SMC1A: variants seen among roughly 807,000 people sequenced by gnomAD.
The protein encoded by SMC1A is structural maintenance of chromosomes protein 1A.
SMC1A carries 4 observed loss-of-function variants against 94.5 expected under a neutral mutation model. The ratio of observed to expected loss-of-function variants is 0.04; its 90% CI spans 0.02 to 0.10. The LOEUF (loss-of-function observed/expected upper bound fraction) is 0.10. SMC1A is among the 10% of genes least tolerant of loss of function. The pLI is 1.00. For synonymous variants in SMC1A, 345 were observed against 347.7 expected (o/e 0.99, Z 0.09); for missense variants, 304 against 989.0 (o/e 0.31, Z 9.29).
chrX:53,390,204 G>T (rs782336167), intron 19 of SMC1A, among the ~76,000 whole-genome samples: 25 of 106,523 alleles, frequency 2.3e-4, no homozygotes, highest in Admixed American at 6.9e-4. Context: ...AGGGGGCGGG[G>T]GGGCCGGGCC....
At chrX:53,394,731 T>TGCCCCCCCCCCCCCCCC in intron 19 of SMC1A, 47 bp downstream of exon 19, 1 of 416,234 alleles carries the variant, frequency 2.4e-6, no homozygotes, top group Non-Finnish European at 4.4e-6. Context: ...ATAGTCCCAC[T>TGCCCCCCCCCCCCCCCC]CCCACCCAAC....
intron 19 of SMC1A, among the ~76,000 whole-genome samples, chrX:53,391,764 C>G (rs1556887298): frequency 8.9e-6 from 1 of 111,849 alleles, no homozygotes; most frequent in Admixed American, 9.5e-5. Context: ...GGATTACAGG[C>G]ATGAGTCACC....
intron 15 of SMC1A, among the ~76,000 whole-genome samples, chrX:53,403,351 T>C (rs1187400685): frequency 1.8e-5 from 2 of 110,313 alleles, no homozygotes; most frequent in Non-Finnish European, 3.8e-5. Flanking sequence ...GGGGTTGTAA[T>C]CCAGGAATCC....
At chrX:53,409,348 A>G in intron 8 of SMC1A, 73 bp downstream of exon 8, 4 of 1,156,643 alleles carry the variant, frequency 3.5e-6, no homozygotes, top group Non-Finnish European at 3.5e-6. Context: ...GGGGTCCTGC[A>G]TGAAGAGGGG....
rs1026782212 is a variant in SMC1A, at chrX:53,379,281, G to C, written c.*822C>G. The C allele has an allele frequency of 2.7e-5, 3 of 111,753 alleles. No individual in the cohort carries two copies. Among genetic ancestry groups the C allele is most frequent in the African/African-American group, 9.8e-5 (3 of 30,699 alleles). The allele number at this position is 111,753 out of a possible 1,213,427, so 9.2% of individuals were successfully genotyped here. ...AAAAGTGGGACCAGAACCCATAACT[G>C]TCTGTCCCCAGAGCTCATGCTCCAC... On this transcript the variant is annotated 3_prime_UTR_variant, in exon 25 of 25. Transcript: ENST00000322213.
chrX:53,382,155 G>C (rs1373099516), intron 22 of SMC1A, 77 bp downstream of exon 22: 35 of 1,088,478 alleles, frequency 3.2e-5, no homozygotes, highest in Non-Finnish European at 4.5e-5. Context: ...GCAGATCTCT[G>C]TGTATCCTTG....
chrX:53,389,745 T>C (rs1194855637), intron 19 of SMC1A, among the ~76,000 whole-genome samples: 5 of 111,021 alleles, frequency 4.5e-5, no homozygotes, highest in African/African-American at 1.6e-4. Context: ...AAAATTATTT[T>C]TAGATATGTA....
intron 19 of SMC1A, among the ~76,000 whole-genome samples, chrX:53,391,374 T>C (rs1241918304): frequency 9.3e-6 from 1 of 107,813 alleles, no homozygotes; most frequent in African/African-American, 3.4e-5. Flanking sequence ...ATCCCAACAC[T>C]TCAGGAGGCT....
chrX:53,389,542 A>T (rs2075618993), intron 19 of SMC1A, among the ~76,000 whole-genome samples: 2 of 110,661 alleles, frequency 1.8e-5, no homozygotes, highest in African/African-American at 6.6e-5. Flanking sequence ...CAGCCTGGCC[A>T]ATATAGTGAA....
In SMC1A at chrX:53,405,245, T is replaced by C; in HGVS notation, c.2058A>G (p.Lys686=). 8.2e-7 allele frequency: 1 copy of C among 1,212,136 alleles called. No individual in the cohort carries two copies. Among genetic ancestry groups the C allele is most frequent in the Non-Finnish European group, 1.1e-6 (1 of 895,608 alleles). Residue 686 remains lysine (K), a splice_region_variant and synonymous_variant, in exon 12 of 25, where the codon AAA becomes AAG. Coordinates refer to ENST00000322213, the MANE Select transcript of SMC1A (RefSeq NM_006306.4). ...AAAAACAGCACTGCCTGTGGCTTACTTTCAGCTCCTCTGTCAAGCGCTCCT... is the reference window on the plus strand; with the variant it reads ...AAAAACAGCACTGCCTGTGGCTTACCTTCAGCTCCTCTGTCAAGCGCTCCT... ...EKKERLTEEL[K]EQMKAKRKEA...
At chrX:53,392,207 G>A (rs1244577197) in intron 19 of SMC1A, among the ~76,000 whole-genome samples, 2 of 109,558 alleles carry the variant, frequency 1.8e-5, no homozygotes, top group African/African-American at 3.3e-5. Flanking sequence ...TGAATAACAC[G>A]GTGAAACCCC....
In SMC1A at chrX:53,374,614, C is replaced by A. The variant is rs1007398058; in HGVS notation, c.*5489G>T. On this transcript the variant is annotated 3_prime_UTR_variant, in exon 25 of 25. Coordinates refer to ENST00000322213, the MANE Select transcript of SMC1A (RefSeq NM_006306.4). ...CTACTGTCTCATGATCTTATCTATT[C>A]AAGCCTTCTGCTGCTTTGTGGATCT... 45 of 111,967 alleles carry A rather than the reference C, an allele frequency of 4.0e-4. No individual in the cohort carries two copies. The highest frequency in any genetic ancestry group is 8.3e-4 in the Non-Finnish European group (44 of 53,174). 9.2% of individuals were successfully genotyped at this position (111,967 alleles called of 1,213,427 possible).
At position 53,405,072 on chromosome X, in the gene SMC1A, G is replaced by T; in HGVS notation, c.2136C>A (p.Leu712=). The stretch of plus-strand genomic sequence containing the variant: ...GTTCTAGGTCACTCTGGGAGTACTT[G>T]AGCCGCATCTGCAGTCCATGGGCCT... ...QSQAHGLQMR[L]KYSQSDLEQT... The change falls in exon 13 of 25, where the codon CTC becomes CTA. Residue 712 remains leucine, a synonymous_variant. Transcript: ENST00000322213. 1 of 1,205,976 alleles carries T rather than the reference G, an allele frequency of 8.3e-7. No individual in the cohort carries two copies. The highest frequency in any genetic ancestry group is 1.1e-6 in the Non-Finnish European group (1 of 892,486).
At chrX:53,391,562 T>C (rs1314489205) in intron 19 of SMC1A, among the ~76,000 whole-genome samples, 1 of 111,294 alleles carries the variant, frequency 9.0e-6, no homozygotes, top group East Asian at 2.8e-4. Flanking sequence ...AGGTTCTCCC[T>C]GTCACCCAGG....
chrX:53,404,797 G>A (rs1191192306), intron 13 of SMC1A, among the ~76,000 whole-genome samples: 3 of 111,860 alleles, frequency 2.7e-5, no homozygotes, highest in Non-Finnish European at 5.6e-5. Context: ...AAGATGTGAA[G>A]GTTGACACTG....
chrX:53,420,483 C>T (rs1050070118), intron 1 of SMC1A, among the ~76,000 whole-genome samples: 7 of 104,459 alleles, frequency 6.7e-5, no homozygotes, highest in African/African-American at 1.8e-4. Flanking sequence ...AACATCATGC[C>T]ACTGCACTCC....
Position 53,405,314 on chromosome X carries a change from T to C in SMC1A, c.1989A>G (p.Ala663=). The change falls in exon 12 of 25, where the codon GCA becomes GCG. Residue 663 remains alanine, a synonymous_variant. Transcript: ENST00000322213. ...CTACTGCTTTCTCATCCCAGCGCCG[T>C]GCCTTGGCCTTCAGGTCACTGGCCC... ...SGGASDLKAK[A]RRWDEKAVDK... 1 of 1,211,691 alleles carries C rather than the reference T, an allele frequency of 8.3e-7. No individual in the cohort carries two copies. Among genetic ancestry groups the C allele is most frequent in the Non-Finnish European group, 1.1e-6 (1 of 895,460 alleles).
In SMC1A at chrX:53,379,762, T is replaced by C; in HGVS notation, c.*341A>G. ...ACTCACATGCACACATGCGGATACA[T>C]ACATACACACATACATACCCACACA... On this transcript the variant is annotated 3_prime_UTR_variant, in exon 25 of 25. Transcript: ENST00000322213. 3.0e-6 allele frequency: 1 copy of C among 331,137 alleles called. No homozygotes were observed. Among genetic ancestry groups the C allele is most frequent in the Admixed American group, 4.7e-5 (1 of 21,274 alleles). 27.3% of individuals were successfully genotyped at this position (331,137 alleles called of 1,213,427 possible).
intron 1 of SMC1A, among the ~76,000 whole-genome samples, chrX:53,419,586 G>A (rs1466643958): frequency 3.7e-5 from 4 of 108,376 alleles, no homozygotes; most frequent in African/African-American, 6.7e-5. Flanking sequence ...AGCACTTTGG[G>A]AGGCCCAGGT....
Sources: allele counts gnomAD v4.1 joint callset (sites outside exome capture counted in the v4.1 genomes callset), GRCh38; gene constraint gnomAD v4.1.1; transcripts MANE v1.5; gene names NCBI Gene and HGNC (gene_info 2026-07-23, HGNC 2026-07-21).